The following ATXN7L1 variants were observed in gnomAD, a reference collection of about 807,000 sequenced individuals.
ATXN7L1 encodes ataxin-7-like protein 1.
Under a neutral mutation model 70.8 loss-of-function variants are expected in ATXN7L1, and 15 were observed. The ratio of observed to expected loss-of-function variants is 0.21; its 90% confidence interval spans 0.14 to 0.33. The LOEUF is 0.33. Ranked by LOEUF, ATXN7L1 falls within the 10% of genes least tolerant of loss-of-function variation. The pLI is 1.00. For missense variants in ATXN7L1, 975 were observed against 1,097.1 expected, an observed-to-expected ratio of 0.89 and a Z score of 1.57; for synonymous variants, 440 against 445.1, an observed-to-expected ratio of 0.99 and a Z score of 0.14.
intron 2 of ATXN7L1, among the ~76,000 whole-genome samples, chr7:105,867,204 GTACCTTCCCAGGCT>G (rs1215894444): frequency 6.6e-6 from 1 of 152,110 alleles, no homozygotes; most frequent in Non-Finnish European, 1.5e-5. Context: ...CCTGCCCTTT[GTACCTTCCCAGGCT>G]TAACATGGAA....
chr7:105,617,246 G>C (rs1331706254), intron 9 of ATXN7L1, among the ~76,000 whole-genome samples: 1 of 152,124 alleles, frequency 6.6e-6, no homozygotes, highest in Non-Finnish European at 1.5e-5. Flanking sequence ...GGATGGTCTC[G>C]ATCTCCTAAC....
At chr7:105,820,864 C>G (rs749869633) in intron 2 of ATXN7L1, among the ~76,000 whole-genome samples, 61 of 152,052 alleles carry the variant, frequency 4.0e-4, no homozygotes, top group Non-Finnish European at 7.8e-4. Context: ...AAGTCTGGGA[C>G]CTACCCTCCA....
chr7:105,666,996 A>T (rs1802707062), intron 3 of ATXN7L1, among the ~76,000 whole-genome samples: 1 of 152,144 alleles, frequency 6.6e-6, no homozygotes, highest in Non-Finnish European at 1.5e-5. Flanking sequence ...CCACTCAATC[A>T]CCATAAATAC....
At chr7:105,736,366 A>G (rs1022457030) in intron 3 of ATXN7L1, among the ~76,000 whole-genome samples, 2 of 152,182 alleles carry the variant, frequency 1.3e-5, no homozygotes, top group South Asian at 2.1e-4. Flanking sequence ...TTAAAATCCC[A>G]TTGGATTCTA....
chr7:105,641,496 A>G (rs1265689537), intron 5 of ATXN7L1, among the ~76,000 whole-genome samples: 1 of 152,178 alleles, frequency 6.6e-6, no homozygotes, highest in Non-Finnish European at 1.5e-5. Context: ...AACCCACAAA[A>G]TGCAAAAACA....
chr7:105,701,504 C>G (rs1023012134), intron 3 of ATXN7L1, among the ~76,000 whole-genome samples: 2 of 152,042 alleles, frequency 1.3e-5, no homozygotes, highest in African/African-American at 4.8e-5. Flanking sequence ...GCAGTTTTTG[C>G]AGTGCATTCC....
intron 3 of ATXN7L1, among the ~76,000 whole-genome samples, chr7:105,749,852 C>A (rs1228492976): frequency 6.6e-6 from 1 of 151,868 alleles, no homozygotes; most frequent in Non-Finnish European, 1.5e-5. Flanking sequence ...TCTGTTGTCA[C>A]CCCTGCTTCC....
chr7:105,719,110 T>G (rs1255225155), intron 3 of ATXN7L1, among the ~76,000 whole-genome samples: 1 of 152,158 alleles, frequency 6.6e-6, no homozygotes, highest in Non-Finnish European at 1.5e-5. Flanking sequence ...CTTCTGTCCT[T>G]TTGTGAGCAG....
At chr7:105,631,559 T>C (rs1796602213) in intron 7 of ATXN7L1, among the ~76,000 whole-genome samples, 2 of 152,218 alleles carry the variant, frequency 1.3e-5, no homozygotes, top group African/African-American at 4.8e-5. Context: ...CTTTGCCTCC[T>C]GGGTTCAAGC....
intron 4 of ATXN7L1, among the ~76,000 whole-genome samples, chr7:105,646,770 C>CA (rs5886362): frequency 0.62 from 73,700 of 118,370 alleles, 20,757 homozygotes; most frequent in South Asian, 0.75. Flanking sequence ...CATGTCTCTA[C>CA]AAAAAAAAAA....
chr7:105,678,088 C>A, intron 3 of ATXN7L1: 110 of 608,658 alleles, frequency 1.8e-4, no homozygotes, highest in Non-Finnish European at 2.1e-4. Flanking sequence ...CGTACAGACA[C>A]ATACTTTTTT....
At chr7:105,689,722 T>C (rs1307976464) in intron 3 of ATXN7L1, among the ~76,000 whole-genome samples, 1 of 151,724 alleles carries the variant, frequency 6.6e-6, no homozygotes, top group Admixed American at 6.6e-5. Context: ...GAACAAAGAG[T>C]CCCTTAGCAT....
chr7:105,755,928 C>T (rs1486876447), intron 3 of ATXN7L1, among the ~76,000 whole-genome samples: 2 of 152,206 alleles, frequency 1.3e-5, no homozygotes, highest in Non-Finnish European at 2.9e-5. Flanking sequence ...AAGCACCCCA[C>T]TCCATGTGTC....
At chr7:105,641,485 C>G (rs942084448) in intron 5 of ATXN7L1, among the ~76,000 whole-genome samples, 5 of 152,202 alleles carry the variant, frequency 3.3e-5, no homozygotes, top group African/African-American at 9.6e-5. Flanking sequence ...CGAAACAAGA[C>G]AACCCACAAA....
chr7:105,618,304 T>C (rs1462148026), intron 9 of ATXN7L1, among the ~76,000 whole-genome samples: 1 of 152,206 alleles, frequency 6.6e-6, no homozygotes, highest in African/African-American at 2.4e-5. Flanking sequence ...TCACCCCACG[T>C]GTAGCACCAA....
chr7:105,833,328 G>A (rs901889101), intron 2 of ATXN7L1, among the ~76,000 whole-genome samples: 5 of 152,116 alleles, frequency 3.3e-5, no homozygotes, highest in South Asian at 2.1e-4. Flanking sequence ...CTACTAGATC[G>A]TAGGTGCCGT....
chr7:105,721,944 C>T (rs1195675558), intron 3 of ATXN7L1, among the ~76,000 whole-genome samples: 1 of 152,236 alleles, frequency 6.6e-6, no homozygotes, highest in African/African-American at 2.4e-5. Context: ...CACCTCTAAG[C>T]TAGTTTTCTC....
chr7:105,860,963 A>C (rs1399775353), intron 2 of ATXN7L1, among the ~76,000 whole-genome samples: 1 of 152,198 alleles, frequency 6.6e-6, no homozygotes, highest in East Asian at 1.9e-4. Flanking sequence ...ATTTGGGGGC[A>C]AAGTACACGC....
chr7:105,674,793 AG>A (rs1365692143), intron 3 of ATXN7L1, among the ~76,000 whole-genome samples: 1 of 152,222 alleles, frequency 6.6e-6, no homozygotes, highest in African/African-American at 2.4e-5. Context: ...ATTTATACTA[AG>A]GTGCAAATTT....
Sources: allele counts gnomAD v4.1 joint callset (sites outside exome capture counted in the v4.1 genomes callset), GRCh38; gene constraint gnomAD v4.1.1; transcripts MANE v1.5; gene names NCBI Gene and HGNC (gene_info 2026-07-23, HGNC 2026-07-21).